The following CNOT2 variants were observed in gnomAD, a reference collection of about 807,000 sequenced individuals.
The protein encoded by CNOT2 is CC chemokine receptor 4-negative regulator of transcription 2.
A neutral mutation model predicts 72.1 loss-of-function variants in CNOT2; 7 were observed. That is an observed-to-expected ratio of 0.10 (90% confidence interval 0.06 to 0.18). The LOEUF is 0.18. Among genes scored for constraint, CNOT2 ranks in the 10% least tolerant of loss-of-function variants. The pLI, the probability that CNOT2 is intolerant of heterozygous loss-of-function variation, is 1.00. For synonymous variants in CNOT2, 196 were observed against 225.6 expected (o/e 0.87, Z 1.17); for missense variants, 345 against 660.3 (o/e 0.52, Z 5.23).
At chr12:70,332,559 A>T in intron 6 of CNOT2, 2 of 723,152 alleles carry the variant, frequency 2.8e-6, no homozygotes, top group Non-Finnish European at 3.7e-6. Flanking sequence ...TAATCTGCCT[A>T]AAATGTTCTG....
chr12:70,249,900 T>G (rs1958054778), intron 1 of CNOT2, among the ~76,000 whole-genome samples: 1 of 152,056 alleles, frequency 6.6e-6, no homozygotes, highest in Non-Finnish European at 1.5e-5. Flanking sequence ...AAGTAATGCT[T>G]TAGGGGTGTA....
intron 1 of CNOT2, among the ~76,000 whole-genome samples, chr12:70,258,020 CTG>C (rs1276839103): frequency 6.6e-6 from 1 of 152,114 alleles, no homozygotes; most frequent in Non-Finnish European, 1.5e-5. Flanking sequence ...AAGTTATAAA[CTG>C]ATAATTTTAA....
At chr12:70,303,037 A>C (rs558620724) in intron 2 of CNOT2, among the ~76,000 whole-genome samples, 28 of 152,078 alleles carry the variant, frequency 1.8e-4, no homozygotes, top group African/African-American at 5.5e-4. Flanking sequence ...TAGGATTGCA[A>C]CCCCTGCCTT....
chr12:70,267,902 G>C (rs1406831631), intron 1 of CNOT2, among the ~76,000 whole-genome samples: 1 of 152,218 alleles, frequency 6.6e-6, no homozygotes, highest in Non-Finnish European at 1.5e-5. Context: ...GGCTGCTTTT[G>C]CACTACAATG....
At chr12:70,289,556 G>A (rs1871503452) in intron 2 of CNOT2, among the ~76,000 whole-genome samples, 1 of 151,994 alleles carries the variant, frequency 6.6e-6, no homozygotes, top group South Asian at 2.1e-4. Context: ...GTCCTTTGAG[G>A]ACTCCAATTA....
At chr12:70,317,856 A>G (rs149551899) in intron 3 of CNOT2, among the ~76,000 whole-genome samples, 81 of 151,794 alleles carry the variant, frequency 5.3e-4, no homozygotes, top group Non-Finnish European at 1.0e-3. Context: ...TTACCTCAGC[A>G]CCACAAGACA....
chr12:70,254,600 G>C (rs923776849), intron 1 of CNOT2, among the ~76,000 whole-genome samples: 1 of 152,226 alleles, frequency 6.6e-6, no homozygotes, highest in African/African-American at 2.4e-5. Flanking sequence ...TTCTTAAGTT[G>C]TATGATTGAA....
intron 13 of CNOT2, 44 bp from the exon 14 acceptor site, chr12:70,344,084 C>T: frequency 7.3e-7 from 1 of 1,364,822 alleles, no homozygotes; most frequent in Non-Finnish European, 1.0e-6. Flanking sequence ...TTAGGATTTG[C>T]AGATTTGTTT....
chr12:70,273,027 A>G (rs1450719391), intron 1 of CNOT2, among the ~76,000 whole-genome samples: 2 of 152,174 alleles, frequency 1.3e-5, no homozygotes, highest in African/African-American at 4.8e-5. Flanking sequence ...TCATTACTCC[A>G]GTAATTTCTC....
At chr12:70,261,305 CTTTTTTTTTTTT>C (rs71437141) in intron 1 of CNOT2, among the ~76,000 whole-genome samples, 8 of 43,340 alleles carry the variant, frequency 1.8e-4, no homozygotes, top group African/African-American at 6.1e-4. Context: ...TTCTTTCTTT[CTTTTTTTTTTTT>C]TTTTTTTTTT....
chr12:70,260,459 A>G (rs372920036), intron 1 of CNOT2, among the ~76,000 whole-genome samples: 36 of 152,196 alleles, frequency 2.4e-4, no homozygotes, highest in African/African-American at 7.9e-4. Context: ...TAGAAATGCA[A>G]TTAATTTTGG....
Position 70,310,979 on chromosome 12 carries a change from A to T in CNOT2, c.133A>T (p.Ser45Cys), listed in dbSNP as rs751765559. ...SDYHDENMYY[S>C]QSSMFPHRSE... ...CTACCATGACGAAAACATGTACTAC[A>T]GCCAGTCTTCTATGTTTCCACATCG... Residue 45 changes from serine to cysteine, a missense_variant, in exon 3 of 16, where the codon AGC (serine) becomes TGC (cysteine). Physicochemically the swap from Ser to Cys is moderately radical, Grantham distance 112. Transcript: ENST00000229195. The T allele has an allele frequency of 3.1e-6, 5 of 1,600,246 alleles. No individual in the cohort carries two copies. In the Admixed American group the frequency reaches 6.7e-5, roughly 21 times the overall value.
chr12:70,249,980 A>G (rs368611193), intron 1 of CNOT2, among the ~76,000 whole-genome samples: 1 of 152,094 alleles, frequency 6.6e-6, no homozygotes, highest in Non-Finnish European at 1.5e-5. Flanking sequence ...TTTCTAATCT[A>G]TGCTTGCTTA....
chr12:70,327,303 T>A (rs1322258514), intron 4 of CNOT2, among the ~76,000 whole-genome samples: 1 of 151,620 alleles, frequency 6.6e-6, no homozygotes, highest in Non-Finnish European at 1.5e-5. Context: ...ACGTGGAGAT[T>A]TAGAAAAAAG....
intron 2 of CNOT2, among the ~76,000 whole-genome samples, chr12:70,305,027 G>C (rs1874980705): frequency 6.6e-6 from 1 of 152,216 alleles, no homozygotes. Flanking sequence ...GAAAAGTGCA[G>C]TATTAGGGTG....
Position 70,319,323 on chromosome 12 carries a change from G to T in CNOT2, c.197G>T (p.Gly66Val). Residue 66 changes from glycine (G) to valine (V), a missense_variant, in exon 4 of 16, where the codon GGT becomes GTT. By Grantham distance (109) the Gly-to-Val change is moderately radical. Transcript: ENST00000229195. ...KDMLASPSTS[G>V]QLSQFGASLY... ...ATGCTGGCATCACCATCTACATCAG[G>T]TCAGCTGTCTCAGTTTGGGGCAAGT... 6.2e-7 allele frequency: 1 copy of T among 1,610,430 alleles called. No homozygotes were observed. Among genetic ancestry groups the T allele is most frequent in the Non-Finnish European group, 8.5e-7 (1 of 1,177,524 alleles).
At chr12:70,332,283 C>T (rs1880074368) in intron 6 of CNOT2, 1 of 151,762 alleles carries the variant, frequency 6.6e-6, no homozygotes, top group Non-Finnish European at 1.5e-5. Context: ...ACATAAACTC[C>T]TGTGTCCATG....
At chr12:70,333,277 T>TA (rs1880218166) in intron 7 of CNOT2, among the ~76,000 whole-genome samples, 1 of 151,868 alleles carries the variant, frequency 6.6e-6, no homozygotes, top group Non-Finnish European at 1.5e-5. Flanking sequence ...AACACTTACG[T>TA]TTTTTCTTAA....
intron 2 of CNOT2, among the ~76,000 whole-genome samples, chr12:70,308,584 T>TCTCTCTCTCTCTCTCACACA (rs550679130): frequency 4.5e-5 from 6 of 133,240 alleles, no homozygotes; most frequent in African/African-American, 1.7e-4. Context: ...TCTCTCTCTC[T>TCTCTCTCTCTCTCTCACACA]CACACACACA....
Sources: gnomAD v4.1 joint callset for allele counts (sites outside exome capture counted in the v4.1 genomes callset) on GRCh38, gnomAD v4.1.1 for gene constraint, MANE v1.5 for transcripts, NCBI Gene and HGNC (gene_info 2026-07-23, HGNC 2026-07-21) for gene names.